Variants in MED9 observed in about 807,000 individuals in gnomAD.
The protein encoded by MED9 is mediator complex subunit 9, also known as mediator of RNA polymerase II transcription subunit 9.
MED9 carries 8 observed loss-of-function variants against 13.2 expected under a neutral mutation model. That is an observed-to-expected ratio of 0.61 (90% confidence interval 0.36 to 1.10). MED9 has a LOEUF of 1.10. Ranked by LOEUF, MED9 falls within the 50% of genes least tolerant of loss-of-function variation. The pLI is 0.02. For missense variants in MED9, 180 were observed against 193.4 expected (o/e 0.93, Z 0.41); for synonymous variants, 87 against 82.8 (o/e 1.05, Z -0.28).
chr17:17,489,191 T>C (rs1358503304), intron 1 of MED9, among the ~76,000 whole-genome samples: 1 of 152,248 alleles, frequency 6.6e-6, no homozygotes, highest in Non-Finnish European at 1.5e-5. Context: ...GTGGGCTGCA[T>C]GGCCCCTTTT....
At position 17,479,073 on chromosome 17, in the gene MED9, C is replaced by T. The variant is rs569488943; in HGVS notation, c.224+1808C>T. 1.1e-4 allele frequency among the ~76,000 whole-genome samples: 16 copies of T among 152,290 alleles called. No individual in the cohort carries two copies. The South Asian group carries it at 3.1e-3, about 30-fold the overall frequency. The stretch of plus-strand genomic sequence containing the variant: ...AAAATGTACACATTCACAAGGACAG[C>T]TCTTGAACTCCCCAAGAGTATATTC... On this transcript the variant is annotated intron_variant, in intron 1 of 1. Coordinates refer to ENST00000268711, the MANE Select transcript of MED9 (RefSeq NM_018019.3).
chr17:17,477,349 C>A, intron 1 of MED9, 84 bp downstream of exon 1: 1 of 1,406,448 alleles, frequency 7.1e-7, no homozygotes, highest in Non-Finnish European at 9.5e-7. Context: ...GGCCTTGGCG[C>A]TCTGGGGCAC....
intron 1 of MED9, 89 bp from the exon 2 acceptor site, chr17:17,491,190 G>A (rs1326464473): frequency 2.4e-6 from 3 of 1,238,392 alleles, no homozygotes; most frequent in Admixed American, 3.5e-5. Flanking sequence ...AGCTATGGCA[G>A]GAATGACAGC....
At chr17:17,489,222 G>A (rs58205065) in intron 1 of MED9, among the ~76,000 whole-genome samples, 2,556 of 152,302 alleles carry the variant, frequency 0.017, 72 homozygotes, top group African/African-American at 0.058. Flanking sequence ...CCCTCCAGGC[G>A]GCTTGTCTTA....
chr17:17,491,559 A>G lies in MED9; in HGVS notation c.*64A>G. ...GGCCTGTCTCCCCACTACCATCCCC[A>G]AACGCTCCTTGGGGCGTGGTTCCTG... On this transcript the variant is annotated 3_prime_UTR_variant, in exon 2 of 2. Transcript: ENST00000268711. 2 of 1,457,664 alleles carry G rather than the reference A, an allele frequency of 1.4e-6. No individual in the cohort carries two copies. The highest frequency in any genetic ancestry group is 1.9e-6 in the Non-Finnish European group (2 of 1,046,720). 90.3% of individuals were successfully genotyped at this position (1,457,664 alleles called of 1,614,324 possible).
At position 17,491,603 on chromosome 17, in the gene MED9, G is replaced by A. The variant is rs571393617; in HGVS notation, c.*108G>A. ...GTTCCTGTGGACCCCAGCTCAGCTC[G>A]TCAAGCTGCAGGGGCGGGGCTCCTG... On this transcript the variant is annotated 3_prime_UTR_variant, in exon 2 of 2. Transcript: ENST00000268711. 6.9e-5 allele frequency: 75 copies of A among 1,093,768 alleles called. No homozygotes were observed. In the East Asian group the frequency reaches 1.5e-3, roughly 22 times the overall value. The allele number at this position is 1,093,768 out of a possible 1,614,324, so 67.8% of individuals were successfully genotyped here.
chr17:17,478,360 A>G (rs1461735225), intron 1 of MED9, among the ~76,000 whole-genome samples: 5 of 152,232 alleles, frequency 3.3e-5, no homozygotes, highest in Non-Finnish European at 5.9e-5. Flanking sequence ...GTGAACATGA[A>G]TGTGCTCTTC....
At position 17,491,812 on chromosome 17, in the gene MED9, TCTG is replaced by T; in HGVS notation, c.*322_*324del. 2.6e-6 allele frequency: 1 copy of T among 381,330 alleles called. No homozygotes were observed. The highest frequency in any genetic ancestry group is 3.8e-5 in the Admixed American group (1 of 26,532). The allele number at this position is 381,330 out of a possible 1,614,324, so 23.6% of individuals were successfully genotyped here. ...TCCCCTGCCTCTGGGGAGGGGGCCA[TCTG>T]CTGCGCCCGGCCCCACTGACAGATC... On this transcript the variant is annotated 3_prime_UTR_variant, in exon 2 of 2. Coordinates refer to ENST00000268711, the MANE Select transcript of MED9 (RefSeq NM_018019.3).
intron 1 of MED9, among the ~76,000 whole-genome samples, chr17:17,481,837 A>G (rs1032856141): frequency 3.3e-5 from 5 of 152,176 alleles, no homozygotes; most frequent in Non-Finnish European, 7.3e-5. Context: ...GGGTACAAAC[A>G]TTTTTTATAG....
intron 1 of MED9, among the ~76,000 whole-genome samples, chr17:17,480,765 T>G (rs1041637945): frequency 1.3e-5 from 2 of 151,436 alleles, no homozygotes; most frequent in African/African-American, 4.9e-5. Flanking sequence ...AGGAATGGAG[T>G]GGTTCTGCAG....
intron 1 of MED9, among the ~76,000 whole-genome samples, chr17:17,488,544 T>C (rs909215445): frequency 1.3e-5 from 2 of 152,020 alleles, no homozygotes; most frequent in Non-Finnish European, 2.9e-5. Flanking sequence ...AAAAAAACCA[T>C]AGTAGGGGGC....
rs907543338 is a variant in MED9 at position 17,489,729 on chromosome 17, A to G, written c.225-1550A>G. On this transcript the variant is annotated intron_variant, in intron 1 of 1. Transcript: ENST00000268711. ...CTCTCTAGAATCTGCGATAAGGTAT[A>G]CTGTTAATGGTGTCTCTCAGTTGAG... 1.1e-3 allele frequency among the ~76,000 whole-genome samples: 165 copies of G among 152,304 alleles called. 2 individuals carry two copies. Among genetic ancestry groups the G allele is most frequent in the Admixed American group, 8.5e-3 (130 of 15,306 alleles).
chr17:17,478,206 G>A (rs1348860502), intron 1 of MED9, among the ~76,000 whole-genome samples: 1 of 152,120 alleles, frequency 6.6e-6, no homozygotes, highest in Non-Finnish European at 1.5e-5. Flanking sequence ...ATGTTGCCCA[G>A]GCTGTAAATT....
At position 17,483,562 on chromosome 17, in the gene MED9, C is replaced by T. The variant is rs1194495311; in HGVS notation, c.224+6297C>T. On this transcript the variant is annotated intron_variant, in intron 1 of 1. Coordinates refer to ENST00000268711, the MANE Select transcript of MED9 (RefSeq NM_018019.3). This position sits in a 1 kb window ranked among gnomAD's most constrained non-coding sequence, Gnocchi z 4.2. ...GGGACAGCCCTGCTTGGAGTTGGAA[C>T]CCATAGCACTTTCATCTCTTCTAGT... Among the ~76,000 whole-genome samples the T allele has an allele frequency of 6.6e-6, 1 of 152,238 alleles. No individual in the cohort carries two copies. Among genetic ancestry groups the T allele is most frequent in the African/African-American group, 2.4e-5 (1 of 41,456 alleles).
Position 17,491,651 on chromosome 17 carries a change from G to C in MED9, c.*156G>C, listed in dbSNP as rs59469334. The C allele has an allele frequency of 6.0e-3, 4,338 of 717,184 alleles. 136 individuals are homozygous for C. In the African/African-American group the frequency reaches 0.066, roughly 11 times the overall value. The allele number at this position is 717,184 out of a possible 1,614,324, so 44.4% of individuals were successfully genotyped here. A position where few individuals can be genotyped will look rare whatever the true frequency, so the allele number is the denominator to read the frequency against. ...CTGTGCTGCTGCGCGCGCTTCGCCTGTGCGGGAGCCAGCGCAGAGCTTGGC... is the reference window on the plus strand; with the variant it reads ...CTGTGCTGCTGCGCGCGCTTCGCCTCTGCGGGAGCCAGCGCAGAGCTTGGC... On this transcript the variant is annotated 3_prime_UTR_variant, in exon 2 of 2. Coordinates refer to ENST00000268711, the MANE Select transcript of MED9 (RefSeq NM_018019.3).
intron 1 of MED9, among the ~76,000 whole-genome samples, chr17:17,482,942 A>C (rs1227861636): frequency 1.3e-5 from 2 of 152,192 alleles, no homozygotes; most frequent in Non-Finnish European, 2.9e-5. Flanking sequence ...CTCCAGCACC[A>C]AACTATTTTA....
At chr17:17,484,753 C>T (rs905031816) in intron 1 of MED9, among the ~76,000 whole-genome samples, 40 of 152,256 alleles carry the variant, frequency 2.6e-4, no homozygotes, top group Admixed American at 2.0e-4. Context: ...TTTCCATCCA[C>T]TCAGTATGAC....
chr17:17,487,138 TCTAA>T (rs1905147013), intron 1 of MED9: 1 of 152,218 alleles, frequency 6.6e-6, no homozygotes. Flanking sequence ...CCAAACTGTA[TCTAA>T]CTAATCTGAT....
intron 1 of MED9, among the ~76,000 whole-genome samples, chr17:17,491,024 GTTGAC>G (rs750237260): frequency 8.5e-5 from 13 of 152,218 alleles, no homozygotes; most frequent in South Asian, 4.1e-4. Context: ...CAGAGTGACA[GTTGAC>G]TTGACAGAAG....
Sources: gnomAD v4.1 joint callset for allele counts (sites outside exome capture counted in the v4.1 genomes callset) on GRCh38, gnomAD v4.1.1 for gene constraint, Gnocchi (gnomAD v3.1) non-coding constraint, MANE v1.5 for transcripts, NCBI Gene and HGNC (gene_info 2026-07-23, HGNC 2026-07-21) for gene names.